PTCHD4: variants seen among roughly 807,000 people sequenced by gnomAD.
PTCHD4 encodes the protein patched domain-containing protein 4.
A neutral mutation model predicts 58.1 loss-of-function variants in PTCHD4; 33 were observed. The observed-to-expected ratio is 0.57, with a 90% CI of 0.43 to 0.76. PTCHD4 has a LOEUF of 0.76. Ranked by LOEUF, PTCHD4 falls within the 30% of genes least tolerant of loss-of-function variation. The pLI is 0.00. For synonymous variants in PTCHD4, 478 were observed against 409.6 expected, an observed-to-expected ratio of 1.17 and a Z score of -2.02; for missense variants, 1,058 against 1,027.1, an observed-to-expected ratio of 1.03 and a Z score of -0.41.
chr6:48,073,979 C>T (rs752356397), intron 1 of PTCHD4, among the ~76,000 whole-genome samples: 2 of 152,122 alleles, frequency 1.3e-5, no homozygotes, highest in African/African-American at 2.4e-5. Context: ...AAGTTCAGGG[C>T]TATCATCTGA....
intron 4 of PTCHD4, among the ~76,000 whole-genome samples, chr6:47,950,506 G>A (rs1447784590): frequency 1.3e-5 from 2 of 152,052 alleles, no homozygotes; most frequent in Non-Finnish European, 2.9e-5. Context: ...AAGAATCCAA[G>A]GACTCTTAAA....
chr6:48,071,153 G>T (rs540157661), intron 1 of PTCHD4, among the ~76,000 whole-genome samples: 1 of 152,084 alleles, frequency 6.6e-6, no homozygotes, highest in Non-Finnish European at 1.5e-5. Context: ...ATCAGGCAGC[G>T]TACTCTCTTC....
chr6:48,052,579 T>C (rs905190637), intron 3 of PTCHD4, among the ~76,000 whole-genome samples: 7 of 152,062 alleles, frequency 4.6e-5, no homozygotes, highest in African/African-American at 1.2e-4. Flanking sequence ...CAAAATATGA[T>C]GCTTACGTTA....
rs117793448 is a variant in PTCHD4 at position 47,913,876 on chromosome 6, C to T, written c.899-33940G>A. Among the ~76,000 whole-genome samples the T allele has an allele frequency of 2.8e-4, 42 of 152,238 alleles. No homozygotes were observed. The East Asian group carries it at 7.9e-3, about 29-fold the overall frequency. ...GATTGAGTTGGAGTTCAGAAACTTGCTCTTTTAAAAAGCATCTAGGCAATT... is the reference window on the plus strand; with the variant it reads ...GATTGAGTTGGAGTTCAGAAACTTGTTCTTTTAAAAAGCATCTAGGCAATT... On this transcript the variant is annotated intron_variant, in intron 4 of 4. Transcript: ENST00000339488.
chr6:47,881,491 G>A (rs1764019873), intron 4 of PTCHD4, among the ~76,000 whole-genome samples: 1 of 152,112 alleles, frequency 6.6e-6, no homozygotes, highest in Non-Finnish European at 1.5e-5. Flanking sequence ...TGAAGCCACT[G>A]GGATGAGATC....
At chr6:48,039,161 T>A (rs1425290751) in intron 3 of PTCHD4, among the ~76,000 whole-genome samples, 1 of 152,074 alleles carries the variant, frequency 6.6e-6, no homozygotes, top group East Asian at 1.9e-4. Flanking sequence ...GCCCATGAAC[T>A]TTAGAGTAGA....
At chr6:48,083,980 G>A (rs1241539799) in intron 1 of PTCHD4, among the ~76,000 whole-genome samples, 2 of 152,070 alleles carry the variant, frequency 1.3e-5, no homozygotes, top group African/African-American at 2.4e-5. Flanking sequence ...AAATATCTGT[G>A]AGATAATAAA....
At position 47,946,930 on chromosome 6, in the gene PTCHD4, A is replaced by C. The variant is rs1383165442; in HGVS notation, c.898+61704T>G. 2.0e-5 allele frequency among the ~76,000 whole-genome samples: 3 copies of C among 151,860 alleles called. No individual in the cohort carries two copies. In the East Asian group the frequency reaches 5.8e-4, roughly 29 times the overall value. ...ATGATCATAGCTCTTTGCAACCTTGACCTCCTGGGTTCAAGAAATCCTCCC... is the reference window on the plus strand; with the variant it reads ...ATGATCATAGCTCTTTGCAACCTTGCCCTCCTGGGTTCAAGAAATCCTCCC... On this transcript the variant is annotated intron_variant, in intron 4 of 4. Coordinates refer to ENST00000339488, the MANE Select transcript of PTCHD4 (RefSeq NM_001384253.1).
intron 1 of PTCHD4, among the ~76,000 whole-genome samples, chr6:48,108,697 G>A (rs140356233): frequency 0.011 from 1,650 of 152,008 alleles, 39 homozygotes; most frequent in African/African-American, 0.038. Flanking sequence ...AGCCTTATCT[G>A]CAATGAAAAG....
At chr6:48,032,615 T>G (rs1203245757) in intron 3 of PTCHD4, among the ~76,000 whole-genome samples, 4 of 152,140 alleles carry the variant, frequency 2.6e-5, no homozygotes, top group African/African-American at 9.7e-5. Context: ...ATTTTGACAA[T>G]ACATTTTCTG....
chr6:47,959,020 G>T (rs1766978667), intron 4 of PTCHD4, among the ~76,000 whole-genome samples: 1 of 152,064 alleles, frequency 6.6e-6, no homozygotes, highest in Non-Finnish European at 1.5e-5. Context: ...AAAATACATA[G>T]ATTTCAACAT....
intron 1 of PTCHD4, among the ~76,000 whole-genome samples, chr6:48,071,266 G>T (rs1764969919): frequency 6.6e-6 from 1 of 152,134 alleles, no homozygotes; most frequent in Admixed American, 6.5e-5. Context: ...GAAGAATAAA[G>T]ATACCAATGT....
At chr6:47,927,603 G>A (rs1043751824) in intron 4 of PTCHD4, among the ~76,000 whole-genome samples, 13 of 151,980 alleles carry the variant, frequency 8.6e-5, no homozygotes, top group Admixed American at 6.6e-4. Flanking sequence ...CTAAAACTTA[G>A]GACTTGAGGT....
chr6:47,937,299 A>G (rs1766039849), intron 4 of PTCHD4, among the ~76,000 whole-genome samples: 3 of 152,222 alleles, frequency 2.0e-5, no homozygotes, highest in Non-Finnish European at 4.4e-5. Context: ...ACCATCATGA[A>G]AAATGATGTT....
intron 3 of PTCHD4, among the ~76,000 whole-genome samples, chr6:48,013,344 A>G (rs1323589948): frequency 6.6e-6 from 1 of 151,264 alleles, no homozygotes; most frequent in Non-Finnish European, 1.5e-5. Context: ...TACTAACTCT[A>G]AAGGAACAAT....
chr6:48,038,480 T>C (rs1763726674), intron 3 of PTCHD4, among the ~76,000 whole-genome samples: 1 of 145,882 alleles, frequency 6.9e-6, no homozygotes, highest in East Asian at 2.0e-4. Flanking sequence ...CATCTCTACT[T>C]AAAAAAAAAA....
intron 3 of PTCHD4, among the ~76,000 whole-genome samples, chr6:48,023,465 A>G (rs1021005919): frequency 3.9e-5 from 6 of 152,220 alleles, no homozygotes; most frequent in African/African-American, 1.4e-4. Flanking sequence ...GGCCAATTTA[A>G]ATCAAGACAA....
At chr6:48,046,796 T>C (rs985218363) in intron 3 of PTCHD4, among the ~76,000 whole-genome samples, 1 of 151,896 alleles carries the variant, frequency 6.6e-6, no homozygotes, top group Admixed American at 6.6e-5. Context: ...AAGAAATATT[T>C]GAAACGTATT....
At chr6:48,089,273 T>G (rs1194895842) in intron 1 of PTCHD4, among the ~76,000 whole-genome samples, 1 of 152,168 alleles carries the variant, frequency 6.6e-6, no homozygotes, top group African/African-American at 2.4e-5. Flanking sequence ...TAAGTATTCT[T>G]TATTTAATAC....
Sources: allele counts gnomAD v4.1 joint callset (sites outside exome capture counted in the v4.1 genomes callset), GRCh38; gene constraint gnomAD v4.1.1; transcripts MANE v1.5; gene names NCBI Gene and HGNC (gene_info 2026-07-23, HGNC 2026-07-21).